Variants in MEI4 observed in about 807,000 individuals in gnomAD.
MEI4 encodes the protein meiotic double-stranded break formation protein 4, also known as meiosis-specific protein MEI4.
Under a neutral mutation model 31.4 loss-of-function variants are expected in MEI4, and 27 were observed. The observed-to-expected ratio is 0.86, with a 90% CI of 0.63 to 1.19. The LOEUF (loss-of-function observed/expected upper bound fraction) is 1.19, where lower values mean the gene tolerates loss of function less well. Among genes scored for constraint, MEI4 ranks in the 50% most tolerant of loss-of-function variants. The pLI, the probability that MEI4 is intolerant of heterozygous loss-of-function variation, is 0.00. For missense variants in MEI4, 329 were observed against 398.9 expected (o/e 0.82, Z 1.49); for synonymous variants, 122 against 145.4 (o/e 0.84, Z 1.16).
rs1347091548 is a variant in MEI4, at chr6:77,766,209, C to T, written c.768+4544C>T. On this transcript the variant is annotated intron_variant, in intron 3 of 4. Transcript: ENST00000684080. The stretch of plus-strand genomic sequence containing the variant: ...TTATGGGAAGTCCTTTTAAATTTAA[C>T]TATTTGAATGTTGTGGTTTTAATTA... 2.0e-5 allele frequency among the ~76,000 whole-genome samples: 3 copies of T among 152,080 alleles called. No homozygotes were observed. In the South Asian group the frequency reaches 6.2e-4, roughly 31 times the overall value.
chr6:77,737,343 A>C (rs753186784), intron 2 of MEI4, among the ~76,000 whole-genome samples: 3 of 152,204 alleles, frequency 2.0e-5, no homozygotes, highest in Non-Finnish European at 4.4e-5. Flanking sequence ...CAGGTCTTAC[A>C]TGTAATTACT....
intron 3 of MEI4, among the ~76,000 whole-genome samples, chr6:77,793,783 A>C (rs1769004231): frequency 6.6e-6 from 1 of 152,144 alleles, no homozygotes; most frequent in Admixed American, 6.5e-5. Context: ...AAAAGCCTCT[A>C]ATTGATACAG....
At chr6:77,840,187 G>A (rs1041482670) in intron 4 of MEI4, among the ~76,000 whole-genome samples, 3 of 152,120 alleles carry the variant, frequency 2.0e-5, no homozygotes, top group African/African-American at 4.8e-5. Context: ...AAAAGTAAAC[G>A]TTAGAACTGA....
chr6:77,729,157 A>G (rs1014833520), intron 2 of MEI4, among the ~76,000 whole-genome samples: 2 of 152,182 alleles, frequency 1.3e-5, no homozygotes, highest in African/African-American at 4.8e-5. Context: ...CACAAAGGTG[A>G]GAGTGGAGGT....
At chr6:77,819,687 A>G (rs913460922) in intron 3 of MEI4, among the ~76,000 whole-genome samples, 6 of 152,198 alleles carry the variant, frequency 3.9e-5, no homozygotes, top group Non-Finnish European at 8.8e-5. Context: ...TTTATTAAAG[A>G]GGCCCAATAG....
At chr6:77,727,888 G>A (rs973493177) in intron 2 of MEI4, among the ~76,000 whole-genome samples, 9 of 152,156 alleles carry the variant, frequency 5.9e-5, no homozygotes, top group South Asian at 2.1e-4. Context: ...TTTCCTGATT[G>A]AAATCTCTGT....
At chr6:77,789,783 A>G (rs1768862212) in intron 3 of MEI4, among the ~76,000 whole-genome samples, 1 of 152,198 alleles carries the variant, frequency 6.6e-6, no homozygotes. Context: ...GTGGAGAAAT[A>G]GGAACACTTT....
At chr6:77,867,797 G>A (rs1025557596) in intron 4 of MEI4, among the ~76,000 whole-genome samples, 1 of 152,134 alleles carries the variant, frequency 6.6e-6, no homozygotes, top group Non-Finnish European at 1.5e-5. Flanking sequence ...ATTCACAATA[G>A]CAAAGACTTG....
At chr6:77,780,948 G>C (rs907044386) in intron 3 of MEI4, among the ~76,000 whole-genome samples, 8 of 152,070 alleles carry the variant, frequency 5.3e-5, no homozygotes, top group Non-Finnish European at 1.0e-4. Flanking sequence ...GTGCAGTGGT[G>C]TGATCATAGC....
chr6:77,759,849 G>A (rs907709396), intron 2 of MEI4, among the ~76,000 whole-genome samples: 1 of 152,096 alleles, frequency 6.6e-6, no homozygotes, highest in Non-Finnish European at 1.5e-5. Flanking sequence ...CCAATAGAAT[G>A]ATGAAATTAA....
At chr6:77,749,798 AC>A (rs1004449277) in intron 2 of MEI4, among the ~76,000 whole-genome samples, 6 of 152,258 alleles carry the variant, frequency 3.9e-5, no homozygotes, top group East Asian at 1.9e-4. Context: ...AAGAAGAGCA[AC>A]CCCAAGACAC....
chr6:77,873,824 G>A (rs1355473376), intron 4 of MEI4, among the ~76,000 whole-genome samples: 1 of 152,120 alleles, frequency 6.6e-6, no homozygotes, highest in African/African-American at 2.4e-5. Flanking sequence ...TCTACATATG[G>A]CTAGCCAGTT....
chr6:77,836,325 G>T (rs1770218603), intron 4 of MEI4, among the ~76,000 whole-genome samples: 1 of 152,024 alleles, frequency 6.6e-6, no homozygotes, highest in South Asian at 2.1e-4. Context: ...ATAAGCACAG[G>T]TGAAATCTGA....
chr6:77,773,281 CTA>C (rs1768361063), intron 3 of MEI4, among the ~76,000 whole-genome samples: 1 of 151,532 alleles, frequency 6.6e-6, no homozygotes. Context: ...CACATTACCA[CTA>C]TACTGGAGAG....
chr6:77,710,539 A>AAAAAAAG (rs1561953994), intron 2 of MEI4, among the ~76,000 whole-genome samples: 16 of 120,682 alleles, frequency 1.3e-4, no homozygotes, highest in East Asian at 2.5e-4. Flanking sequence ...AAAAAAAAAA[A>AAAAAAAG]AAAGAAAAGG....
At chr6:77,894,752 T>C (rs576590165) in intron 4 of MEI4, among the ~76,000 whole-genome samples, 1 of 152,308 alleles carries the variant, frequency 6.6e-6, no homozygotes, top group South Asian at 2.1e-4. Context: ...CTAAAAAGTA[T>C]ACCTGCTCAC....
chr6:77,677,422 C>A (rs931412430), intron 1 of MEI4, among the ~76,000 whole-genome samples: 1 of 152,170 alleles, frequency 6.6e-6, no homozygotes, highest in Non-Finnish European at 1.5e-5. Context: ...TTATCACCGT[C>A]TAGATAGTTG....
intron 4 of MEI4, among the ~76,000 whole-genome samples, chr6:77,848,842 C>T (rs543459760): frequency 1.4e-3 from 217 of 152,222 alleles, no homozygotes; most frequent in African/African-American, 4.8e-3. Context: ...TAGCTTCTTT[C>T]AAAACCATAT....
At chr6:77,825,763 T>C (rs578199595) in intron 3 of MEI4, among the ~76,000 whole-genome samples, 1 of 152,228 alleles carries the variant, frequency 6.6e-6, no homozygotes, top group Non-Finnish European at 1.5e-5. Flanking sequence ...GAGAGTTTAT[T>C]TGAATCATCT....
Sources: allele counts gnomAD v4.1 joint callset (sites outside exome capture counted in the v4.1 genomes callset), GRCh38; gene constraint gnomAD v4.1.1; transcripts MANE v1.5; gene names NCBI Gene and HGNC (gene_info 2026-07-23, HGNC 2026-07-21).